Variants in LLGL1 observed in about 807,000 individuals in gnomAD.
LLGL1 encodes LLGL scribble cell polarity complex component 1.
LLGL1 carries 58 observed loss-of-function variants against 110.6 expected under a neutral mutation model. The observed-to-expected ratio is 0.52, with a 90% CI of 0.42 to 0.65. The LOEUF is 0.65. LLGL1 is among the 30% of genes least tolerant of loss of function. LLGL1 has a pLI of 0.00. For missense variants in LLGL1, 1,229 were observed against 1,462.1 expected (o/e 0.84, Z 2.60); for synonymous variants, 674 against 607.2 (o/e 1.11, Z -1.62).
Position 18,235,524 on chromosome 17 carries a change from C to T in LLGL1, c.1339C>T (p.Leu447=). 1 of 1,613,792 alleles carries T rather than the reference C, an allele frequency of 6.2e-7. No homozygotes were observed. Among genetic ancestry groups the T allele is most frequent in the South Asian group, 1.1e-5 (1 of 91,068 alleles). ...NLAQEPSQRG[L]LLTGHEDGTV... is the part of the protein sequence containing the mutation. ...GGCCCAGGAGCCGTCACAGCGAGGG[C>T]TGCTGCTGACGGGGTAGGTGTGCGT... The change falls in exon 11 of 23, where the codon CTG becomes TTG. Residue 447 remains leucine, a synonymous_variant. Coordinates refer to ENST00000316843, the MANE Select transcript of LLGL1 (RefSeq NM_004140.4).
intron 4 of LLGL1, 105 bp from the exon 5 acceptor site, chr17:18,233,673 C>A: frequency 8.0e-7 from 1 of 1,248,976 alleles, no homozygotes; most frequent in Non-Finnish European, 1.1e-6. Flanking sequence ...CTGGTGAGTG[C>A]TGTGGGGCCA....
chr17:18,237,263 G>A (rs1199423266), intron 13 of LLGL1: 4 of 604,470 alleles, frequency 6.6e-6, no homozygotes, highest in Non-Finnish European at 1.2e-5. Context: ...CAGAGGGCAG[G>A]GACTAGTGTG....
At position 18,232,794 on chromosome 17, in the gene LLGL1, T is replaced by G; in HGVS notation, c.384T>G (p.Asp128Glu). The G allele has an allele frequency of 1.2e-6, 2 of 1,613,886 alleles. No individual in the cohort carries two copies. The highest frequency in any genetic ancestry group is 1.7e-6 in the Non-Finnish European group (2 of 1,179,982). The change falls in exon 4 of 23, where the codon GAT becomes GAG. Residue 128 changes from aspartate to glutamate, a missense_variant. By Grantham distance (45) the Asp-to-Glu change is conservative. Transcript: ENST00000316843. ...SFQLPSRPGF[D>E]GASAPLSLTR... The stretch of plus-strand genomic sequence containing the variant: ...AGCTGCCCAGCCGGCCCGGCTTTGA[T>G]GGTGCCAGGTACTGGAGAACTTGGC...
In LLGL1 at chr17:18,240,525, G is replaced by A. The variant is rs2047804055; in HGVS notation, c.2207-53G>A. 1 of 1,531,756 alleles carries A rather than the reference G, an allele frequency of 6.5e-7. No homozygotes were observed. Among genetic ancestry groups the A allele is most frequent in the Non-Finnish European group, 8.8e-7 (1 of 1,137,562 alleles). The allele number at this position is 1,531,756 out of a possible 1,614,324, so 94.9% of individuals were successfully genotyped here. ...ACCTGCAGTCTGTGGGAAGACCCCA[G>A]GGGAGATGCCTGGCCCACAGGGAGC... On this transcript the variant is annotated intron_variant, in intron 16 of 22. Coordinates refer to ENST00000316843, the MANE Select transcript of LLGL1 (RefSeq NM_004140.4). This position sits in a 1 kb window ranked among gnomAD's most constrained non-coding sequence, Gnocchi z 5.3.
rs773490418 is a variant in LLGL1, at chr17:18,233,977, G to A, written c.552-36G>A. On this transcript the variant is annotated intron_variant, in intron 5 of 22. Coordinates refer to ENST00000316843, the MANE Select transcript of LLGL1 (RefSeq NM_004140.4). The stretch of plus-strand genomic sequence containing the variant: ...GCTTCCCAGCACCCACTGTGTGCCC[G>A]GGAAGTTCTGCTGGCTCACCTGCCT... The A allele has an allele frequency of 5.4e-5, 87 of 1,596,798 alleles. No individual in the cohort carries two copies. The East Asian group carries it at 1.5e-3, about 27-fold the overall frequency.
At chr17:18,231,716 A>G (rs1034322425) in intron 2 of LLGL1, among the ~76,000 whole-genome samples, 5 of 152,128 alleles carry the variant, frequency 3.3e-5, no homozygotes, top group Admixed American at 3.3e-4. Flanking sequence ...GCTGGAGTGC[A>G]GTCGCACAGT....
intron 2 of LLGL1, among the ~76,000 whole-genome samples, chr17:18,231,940 G>T (rs185730954): frequency 2.0e-5 from 3 of 152,142 alleles, no homozygotes; most frequent in African/African-American, 7.2e-5. Context: ...TTACAGGAGC[G>T]AGCCACCGTG....
chr17:18,230,064 G>C (rs772573509), intron 2 of LLGL1, 26 bp downstream of exon 2: 4 of 1,576,684 alleles, frequency 2.5e-6, no homozygotes, highest in Non-Finnish European at 3.5e-6. Flanking sequence ...CAGGTGTTCA[G>C]GGTCTGTTCA....
At chr17:18,230,956 T>G (rs964357833) in intron 2 of LLGL1, among the ~76,000 whole-genome samples, 17 of 152,252 alleles carry the variant, frequency 1.1e-4, no homozygotes, top group African/African-American at 3.8e-4. Context: ...GCGGCCTCTG[T>G]TGGTGAGTGT....
rs1195431600 is a variant in LLGL1, at chr17:18,236,909, C to T, written c.1581C>T (p.Ala527=). 5.0e-6 allele frequency: 8 copies of T among 1,613,510 alleles called. No homozygotes were observed. Among genetic ancestry groups the T allele is most frequent in the South Asian group, 1.1e-5 (1 of 91,040 alleles). Residue 527 remains alanine (A), a synonymous_variant, in exon 13 of 23, where the codon GCC becomes GCT. Coordinates refer to ENST00000316843, the MANE Select transcript of LLGL1 (RefSeq NM_004140.4). The part of the protein sequence containing the change: ...VQKVALCKYT[A]QMVVAGTAGQ... Reference sequence around the variant, plus strand: ...AGGTTGCTCTCTGCAAGTATACAGCCCAGATGGTGGTGGCTGGCACTGCAG... The same window carrying T: ...AGGTTGCTCTCTGCAAGTATACAGCTCAGATGGTGGTGGCTGGCACTGCAG...
chr17:18,238,443 C>T lies in LLGL1; in HGVS notation c.2053-13C>T. 6.2e-7 allele frequency: 1 copy of T among 1,600,868 alleles called. No individual in the cohort carries two copies. The highest frequency in any genetic ancestry group is 8.5e-7 in the Non-Finnish European group (1 of 1,172,932). ...TGCTAGGGAGACAGTGTTCAGGAGCCCCCGCCCGGCAGTTGCAGGAAGCCA... is the reference window on the plus strand; with the variant it reads ...TGCTAGGGAGACAGTGTTCAGGAGCTCCCGCCCGGCAGTTGCAGGAAGCCA... On this transcript the variant is annotated splice_polypyrimidine_tract_variant and intron_variant, in intron 15 of 22. Transcript: ENST00000316843.
chr17:18,239,381 T>A (rs1431329250), intron 16 of LLGL1, among the ~76,000 whole-genome samples: 1 of 152,098 alleles, frequency 6.6e-6, no homozygotes. Flanking sequence ...GATTTTGAAC[T>A]TGTACAATGG....
intron 4 of LLGL1, 82 bp downstream of exon 4, chr17:18,232,884 C>A: frequency 6.4e-7 from 1 of 1,569,684 alleles, no homozygotes; most frequent in Admixed American, 1.7e-5. Context: ...GCAAAGGCAG[C>A]ATGGAGATGG....
rs1277667779 is a variant in LLGL1 at position 18,237,167 on chromosome 17, C to T, written c.1611+228C>T. On this transcript the variant is annotated intron_variant, in intron 13 of 22. Coordinates refer to ENST00000316843, the MANE Select transcript of LLGL1 (RefSeq NM_004140.4). The stretch of plus-strand genomic sequence containing the variant: ...CTCATGTCAGTGCTGTGCTCCGGCA[C>T]TCACATGACATACAGGAGGTGCTCA... 6 of 598,500 alleles carry T rather than the reference C, an allele frequency of 1.0e-5. No homozygotes were observed. The Admixed American group carries it at 1.5e-4, about 15-fold the overall frequency. 37.1% of individuals were successfully genotyped at this position (598,500 alleles called of 1,614,324 possible).
At chr17:18,226,746 A>G (rs1056074824) in intron 1 of LLGL1, among the ~76,000 whole-genome samples, 1 of 152,174 alleles carries the variant, frequency 6.6e-6, no homozygotes, top group African/African-American at 2.4e-5. Flanking sequence ...GGCCAGGGAA[A>G]GGGGCCGCCT....
intron 16 of LLGL1, 26 bp downstream of exon 16, chr17:18,238,635 A>G (rs1171341465): frequency 6.3e-7 from 1 of 1,595,034 alleles, no homozygotes; most frequent in Non-Finnish European, 8.5e-7. Flanking sequence ...GGGCAGGGAC[A>G]GGGCAAGGGT....
intron 22 of LLGL1, 83 bp from the exon 23 acceptor site, chr17:18,243,825 G>C (rs1467163221): frequency 2.0e-5 from 3 of 152,316 alleles, no homozygotes; most frequent in Non-Finnish European, 2.9e-5. Context: ...GGCAGCACCT[G>C]TGTGGTCTGG....
intron 2 of LLGL1, among the ~76,000 whole-genome samples, chr17:18,230,652 C>T (rs1279164300): frequency 6.6e-6 from 1 of 152,220 alleles, no homozygotes; most frequent in African/African-American, 2.4e-5. Context: ...ACCCCAACTG[C>T]TCTTGGGGAA....
In LLGL1 at chr17:18,228,107, G is replaced by A. The variant is rs572124383; in HGVS notation, c.82-1834G>A. Reference sequence around the variant, plus strand: ...TAGTTACCAAAAAGGACAAATACCTGTTAACTCAGGTGGCTGATATAGTTG... The same window carrying A: ...TAGTTACCAAAAAGGACAAATACCTATTAACTCAGGTGGCTGATATAGTTG... On this transcript the variant is annotated intron_variant, in intron 1 of 22. Coordinates refer to ENST00000316843, the MANE Select transcript of LLGL1 (RefSeq NM_004140.4). Among the ~76,000 whole-genome samples, 3 of 152,344 alleles carry A rather than the reference G, an allele frequency of 2.0e-5. No individual in the cohort carries two copies. The East Asian group carries it at 5.8e-4, about 29-fold the overall frequency.
Sources: allele counts gnomAD v4.1 joint callset (sites outside exome capture counted in the v4.1 genomes callset), GRCh38; gene constraint gnomAD v4.1.1; non-coding constraint Gnocchi (gnomAD v3.1); transcripts MANE v1.5; gene names NCBI Gene and HGNC (gene_info 2026-07-23, HGNC 2026-07-21).